Variants in DNAH7 observed in about 807,000 individuals in gnomAD.
DNAH7 encodes axonemal beta dynein heavy chain 7.
DNAH7 carries 397 observed loss-of-function variants against 444.6 expected under a neutral mutation model. The ratio of observed to expected loss-of-function variants is 0.89; its 90% CI spans 0.82 to 0.97. DNAH7 has a LOEUF of 0.97. Ranked by LOEUF, DNAH7 falls within the 50% of genes least tolerant of loss-of-function variation. The pLI is 0.00. For synonymous variants in DNAH7, 1,636 were observed against 1,624.4 expected, an observed-to-expected ratio of 1.01 and a Z score of -0.17; for missense variants, 4,902 against 4,800.8, an observed-to-expected ratio of 1.02 and a Z score of -0.62.
intron 17 of DNAH7, among the ~76,000 whole-genome samples, chr2:195,962,690 T>C (rs1691192417): frequency 6.6e-6 from 1 of 152,190 alleles, no homozygotes; most frequent in Non-Finnish European, 1.5e-5. Flanking sequence ...AAATTATTGT[T>C]GACAAATACT....
chr2:195,827,261 CA>C (rs772183796), intron 48 of DNAH7, among the ~76,000 whole-genome samples: 16 of 152,094 alleles, frequency 1.1e-4, no homozygotes, highest in Non-Finnish European at 2.1e-4. Context: ...CCCCAGTTTT[CA>C]ACTTGTTCTT....
intron 31 of DNAH7, among the ~76,000 whole-genome samples, chr2:195,890,992 C>T (rs540238647): frequency 7.2e-5 from 11 of 152,220 alleles, no homozygotes; most frequent in Non-Finnish European, 1.6e-4. Flanking sequence ...CGTATAATCA[C>T]ATGCTCTGCA....
chr2:196,041,452 A>G (rs968254491), intron 5 of DNAH7, among the ~76,000 whole-genome samples: 2 of 152,040 alleles, frequency 1.3e-5, no homozygotes, highest in Non-Finnish European at 2.9e-5. Flanking sequence ...CCAAAAACAT[A>G]AATTGGGGAA....
intron 12 of DNAH7, chr2:195,994,493 G>T: frequency 4.0e-6 from 2 of 496,132 alleles, no homozygotes; most frequent in Non-Finnish European, 7.8e-6. Context: ...CATGTCCTGT[G>T]TTGGTTGAAT....
chr2:195,857,287 CACTT>C (rs1185923169), intron 44 of DNAH7, 86 bp downstream of exon 44: 17 of 1,155,848 alleles, frequency 1.5e-5, no homozygotes, highest in Non-Finnish European at 1.8e-5. Flanking sequence ...AGGAGCCTCT[CACTT>C]ACATAACTTT....
At chr2:195,776,381 T>C (rs1369726190) in intron 59 of DNAH7, among the ~76,000 whole-genome samples, 7 of 151,082 alleles carry the variant, frequency 4.6e-5, no homozygotes, top group Non-Finnish European at 1.0e-4. Context: ...AGACAGAAGT[T>C]GCGGTGAGCT....
intron 46 of DNAH7, among the ~76,000 whole-genome samples, chr2:195,850,322 A>G (rs2125031721): frequency 6.6e-6 from 1 of 152,038 alleles, no homozygotes; most frequent in African/African-American, 2.4e-5. Flanking sequence ...AGATGGTAGA[A>G]GTGGAAAACT....
intron 47 of DNAH7, among the ~76,000 whole-genome samples, chr2:195,840,121 A>C (rs548217500): frequency 4.6e-5 from 7 of 151,768 alleles, no homozygotes; most frequent in Non-Finnish European, 1.0e-4. Context: ...CACATTAGCA[A>C]ATCGAATCCA....
intron 48 of DNAH7, among the ~76,000 whole-genome samples, chr2:195,833,258 G>C (rs1306161345): frequency 6.6e-6 from 1 of 152,208 alleles, no homozygotes; most frequent in East Asian, 1.9e-4. Flanking sequence ...GAAATAACAC[G>C]TGTGCATGTG....
intron 47 of DNAH7, among the ~76,000 whole-genome samples, chr2:195,836,141 C>G (rs985347941): frequency 6.6e-6 from 1 of 152,138 alleles, no homozygotes; most frequent in African/African-American, 2.4e-5. Flanking sequence ...TGGTGCTGCT[C>G]CCTCTTCTTA....
intron 19 of DNAH7, among the ~76,000 whole-genome samples, chr2:195,955,076 G>A (rs868709087): frequency 4.6e-5 from 7 of 152,154 alleles, no homozygotes; most frequent in Admixed American, 6.6e-5. Context: ...GGCTTTTGGT[G>A]TTTTAGACAT....
chr2:195,784,130 G>A (rs1293330890), intron 58 of DNAH7, among the ~76,000 whole-genome samples: 1 of 152,044 alleles, frequency 6.6e-6, no homozygotes, highest in African/African-American at 2.4e-5. Flanking sequence ...TGACATTAGG[G>A]TTCACTCCTA....
At chr2:195,843,099 T>C (rs1292103616) in intron 47 of DNAH7, among the ~76,000 whole-genome samples, 1 of 152,172 alleles carries the variant, frequency 6.6e-6, no homozygotes, top group Non-Finnish European at 1.5e-5. Flanking sequence ...TTGGTCCAGC[T>C]AGACAAAAGT....
chr2:195,799,477 A>C lies in DNAH7; in HGVS notation c.10177-5T>G. On this transcript the variant is annotated splice_region_variant and splice_polypyrimidine_tract_variant and intron_variant, in intron 54 of 64. Coordinates refer to ENST00000312428, the MANE Select transcript of DNAH7 (RefSeq NM_018897.3). ...TTCCTGCAACATTGGAATAACCTAG[A>C]AAGAGACAAGGATATAGTTGGAAGA... The C allele has an allele frequency of 1.3e-6, 2 of 1,583,772 alleles. No homozygotes were observed. The highest frequency in any genetic ancestry group is 2.4e-5 in the South Asian group (2 of 84,476).
At chr2:195,773,076 C>T (rs919437907) in intron 60 of DNAH7, among the ~76,000 whole-genome samples, 12 of 152,100 alleles carry the variant, frequency 7.9e-5, no homozygotes, top group Non-Finnish European at 1.2e-4. Context: ...CCACCGTGCC[C>T]GGCCTCTACT....
intron 24 of DNAH7, among the ~76,000 whole-genome samples, chr2:195,917,305 G>A (rs1465335957): frequency 6.6e-6 from 1 of 152,040 alleles, no homozygotes. Context: ...TGATCTCCTA[G>A]GGACATTCAG....
At chr2:195,879,551 T>C (rs1701257239) in intron 36 of DNAH7, among the ~76,000 whole-genome samples, 1 of 152,186 alleles carries the variant, frequency 6.6e-6, no homozygotes, top group Admixed American at 6.5e-5. Context: ...AGGTAAGCCT[T>C]ATTCTTCAGT....
chr2:195,933,589 G>A (rs1255955759), intron 21 of DNAH7, among the ~76,000 whole-genome samples: 1 of 152,088 alleles, frequency 6.6e-6, no homozygotes, highest in Non-Finnish European at 1.5e-5. Context: ...ATGAGTTCAT[G>A]TCCTTTGTAG....
chr2:195,837,232 T>A (rs1002802163), intron 47 of DNAH7, among the ~76,000 whole-genome samples: 2 of 152,164 alleles, frequency 1.3e-5, no homozygotes, highest in Admixed American at 6.5e-5. Flanking sequence ...CCATACAAAT[T>A]AAATAATTCT....
Sources: gnomAD v4.1 joint callset for allele counts (sites outside exome capture counted in the v4.1 genomes callset) on GRCh38, gnomAD v4.1.1 for gene constraint, MANE v1.5 for transcripts, NCBI Gene and HGNC (gene_info 2026-07-23, HGNC 2026-07-21) for gene names.